USP49: variants seen among roughly 807,000 people sequenced by gnomAD.
USP49 encodes ubiquitin specific peptidase 49.
USP49 carries 24 observed loss-of-function variants against 58.6 expected under a neutral mutation model. The ratio of observed to expected loss-of-function variants is 0.41; its 90% CI spans 0.30 to 0.58. The LOEUF is 0.58. USP49 is among the 20% of genes least tolerant of loss of function. The pLI is 0.30. For synonymous variants in USP49, 408 were observed against 365.1 expected (o/e 1.12, Z -1.34); for missense variants, 703 against 866.1 (o/e 0.81, Z 2.36).
rs191817503 is a variant in USP49, at chr6:41,791,605, T to C, written c.*4928A>G. 6.6e-5 allele frequency: 10 copies of C among 152,362 alleles called. No homozygotes were observed. The East Asian group carries it at 1.9e-3, about 29-fold the overall frequency. The allele number at this position is 152,362 out of a possible 1,614,324, so 9.4% of individuals were successfully genotyped here. ...GATATCCTGTCACACTTTTCAGCCC[T>C]GGCTAGTTAACACAGTACTATGAAA... is the stretch of plus-strand genomic sequence containing the variant. On this transcript the variant is annotated 3_prime_UTR_variant, in exon 8 of 8. Transcript: ENST00000682992.
At chr6:41,802,438 TTA>T in intron 5 of USP49, among the ~76,000 whole-genome samples, 2 of 71,636 alleles carry the variant, frequency 2.8e-5, no homozygotes, top group Non-Finnish European at 5.2e-5. Context: ...TTTTATTTAT[TTA>T]TTTATTTATT....
intron 2 of USP49, among the ~76,000 whole-genome samples, chr6:41,885,753 G>A (rs1018791433): frequency 1.3e-5 from 2 of 152,144 alleles, no homozygotes; most frequent in Non-Finnish European, 2.9e-5. Flanking sequence ...CCGAGATCAT[G>A]CTACTGCACT....
intron 3 of USP49, among the ~76,000 whole-genome samples, chr6:41,823,664 A>G (rs1773488427): frequency 6.6e-6 from 1 of 152,130 alleles, no homozygotes; most frequent in African/African-American, 2.4e-5. Context: ...CCCAGGGGCC[A>G]CCACCAAAAA....
intron 3 of USP49, among the ~76,000 whole-genome samples, chr6:41,814,592 G>C (rs1439852609): frequency 6.6e-6 from 1 of 151,998 alleles, no homozygotes; most frequent in African/African-American, 2.4e-5. Context: ...TACATCATCA[G>C]AAATAAAATT....
At chr6:41,811,522 G>T (rs969551814) in intron 3 of USP49, among the ~76,000 whole-genome samples, 4 of 152,128 alleles carry the variant, frequency 2.6e-5, no homozygotes, top group Admixed American at 6.5e-5. Context: ...TCCACTGGGG[G>T]TCTTGAAACA....
intron 3 of USP49, among the ~76,000 whole-genome samples, chr6:41,855,533 A>G (rs542892097): frequency 1.3e-5 from 2 of 152,052 alleles, no homozygotes; most frequent in Non-Finnish European, 2.9e-5. Flanking sequence ...CAAACAGACA[A>G]ACAAAAGAAA....
Position 41,803,912 on chromosome 6 carries a change from C to A in USP49, c.1455G>T (p.Gly485=). 6.2e-7 allele frequency: 1 copy of A among 1,614,192 alleles called. No individual in the cohort carries two copies. Among genetic ancestry groups the A allele is most frequent in the African/African-American group, 1.3e-5 (1 of 75,050 alleles). The part of the protein sequence containing the change: ...FPERYHCIEK[G]FVPLNQTECL... ...ACTCTGTTTGATTCAAAGGGACAAA[C>A]CCCTTTTCTATGCAGTGATAGCGTT... The change falls in exon 5 of 8, where the codon GGG becomes GGT. Residue 485 remains glycine (G), a synonymous_variant. Coordinates refer to ENST00000682992, the MANE Select transcript of USP49 (RefSeq NM_001286554.2). The surrounding 1 kb of genome is among the most constrained non-coding windows in gnomAD (Gnocchi z 4.1).
chr6:41,820,111 T>C (rs563153413), intron 3 of USP49, among the ~76,000 whole-genome samples: 3 of 151,514 alleles, frequency 2.0e-5, no homozygotes, highest in Non-Finnish European at 4.4e-5. Context: ...AAACCAACCA[T>C]AAAAAGATAT....
At chr6:41,843,657 T>G (rs1773867941) in intron 3 of USP49, among the ~76,000 whole-genome samples, 2 of 152,068 alleles carry the variant, frequency 1.3e-5, no homozygotes, top group African/African-American at 4.8e-5. Context: ...CCTGTAATCC[T>G]AGCAGTATGG....
At chr6:41,830,153 CT>C (rs1413304434) in intron 3 of USP49, among the ~76,000 whole-genome samples, 1 of 152,172 alleles carries the variant, frequency 6.6e-6, no homozygotes, top group Non-Finnish European at 1.5e-5. Flanking sequence ...CTGACCTTCC[CT>C]GTTTTGTACC....
At chr6:41,804,706 T>C (rs375182473) in intron 4 of USP49, among the ~76,000 whole-genome samples, 3 of 152,142 alleles carry the variant, frequency 2.0e-5, no homozygotes, top group African/African-American at 7.2e-5. Context: ...TACCTGAAAC[T>C]CTTAAGTTGC....
intron 3 of USP49, among the ~76,000 whole-genome samples, chr6:41,822,351 T>C (rs1003549951): frequency 6.6e-6 from 1 of 152,136 alleles, no homozygotes; most frequent in Non-Finnish European, 1.5e-5. Context: ...GAATAGAAAA[T>C]AAATCTGATT....
intron 3 of USP49, among the ~76,000 whole-genome samples, chr6:41,850,733 T>G (rs879721388): frequency 2.6e-5 from 4 of 150,972 alleles, no homozygotes; most frequent in Admixed American, 1.3e-4. Context: ...GCCTCCTGAG[T>G]AGCTGGGACT....
At chr6:41,885,064 A>C (rs1439057418) in intron 2 of USP49, among the ~76,000 whole-genome samples, 3 of 152,184 alleles carry the variant, frequency 2.0e-5, no homozygotes, top group Non-Finnish European at 4.4e-5. Flanking sequence ...TTGGAGGATA[A>C]ATTTTTTCTA....
At chr6:41,804,775 T>A (rs1315162576) in intron 4 of USP49, among the ~76,000 whole-genome samples, 2 of 152,144 alleles carry the variant, frequency 1.3e-5, no homozygotes, top group Admixed American at 1.3e-4. Flanking sequence ...TTTGAGACAG[T>A]CTCCATCTGT....
chr6:41,829,605 G>A (rs373427180), intron 3 of USP49, among the ~76,000 whole-genome samples: 7 of 152,284 alleles, frequency 4.6e-5, no homozygotes, highest in African/African-American at 9.6e-5. Flanking sequence ...GAGCCACCGC[G>A]CCTGGCGGAT....
Position 41,806,597 on chromosome 6 carries a change from C to A in USP49, c.387G>T (p.Pro129=). The A allele has an allele frequency of 1.2e-6, 2 of 1,606,884 alleles. No individual in the cohort carries two copies. The highest frequency in any genetic ancestry group is 1.1e-5 in the South Asian group (1 of 90,852). ...SMASGEDVVL[P]QRAPQGQPQM... is the part of the protein sequence containing the mutation. ...GCGGCTGTCCCTGAGGAGCGCGCTGCGGCAGGACCACGTCCTCACCCGAAG... is the reference window on the plus strand; with the variant it reads ...GCGGCTGTCCCTGAGGAGCGCGCTGAGGCAGGACCACGTCCTCACCCGAAG... Residue 129 remains proline (P), a synonymous_variant, in exon 4 of 8, where the codon CCG becomes CCT. Coordinates refer to ENST00000682992, the MANE Select transcript of USP49 (RefSeq NM_001286554.2). This position sits in a 1 kb window ranked among gnomAD's most constrained non-coding sequence, Gnocchi z 5.9.
intron 3 of USP49, among the ~76,000 whole-genome samples, chr6:41,824,216 C>T (rs1773499351): frequency 6.6e-6 from 1 of 152,020 alleles, no homozygotes; most frequent in Non-Finnish European, 1.5e-5. Context: ...CAGGAAATTT[C>T]ATCTAATAAG....
intron 4 of USP49, among the ~76,000 whole-genome samples, chr6:41,804,254 C>T (rs1773070516): frequency 6.6e-6 from 1 of 152,200 alleles, no homozygotes; most frequent in Admixed American, 6.5e-5. Context: ...ACTAACCCCC[C>T]TTTTCACCTC....
Sources: gnomAD v4.1 joint callset for allele counts (sites outside exome capture counted in the v4.1 genomes callset) on GRCh38, gnomAD v4.1.1 for gene constraint, Gnocchi (gnomAD v3.1) non-coding constraint, MANE v1.5 for transcripts, NCBI Gene and HGNC (gene_info 2026-07-23, HGNC 2026-07-21) for gene names.